Variants in TRHR observed in about 807,000 individuals in gnomAD.
The protein encoded by TRHR is thyrotropin releasing hormone receptor.
TRHR carries 14 observed loss-of-function variants against 28.0 expected under a neutral mutation model. The observed-to-expected ratio is 0.50, with a 90% confidence interval of 0.33 to 0.78. The LOEUF (loss-of-function observed/expected upper bound fraction) is 0.78. Among genes scored for constraint, TRHR ranks in the 30% least tolerant of loss-of-function variants. TRHR has a pLI of 0.02. For synonymous variants in TRHR, 176 were observed against 171.9 expected (o/e 1.02, Z -0.18); for missense variants, 438 against 469.5 (o/e 0.93, Z 0.62).
chr8:109,089,812 T>C (rs951186566), intron 2 of TRHR, among the ~76,000 whole-genome samples: 1 of 152,156 alleles, frequency 6.6e-6, no homozygotes, highest in African/African-American at 2.4e-5. Context: ...ACACCAAACA[T>C]GGGTTAATGT....
At position 109,088,120 on chromosome 8, in the gene TRHR, C is replaced by A; in HGVS notation, c.608C>A (p.Pro203Gln). Residue 203 changes from proline to glutamine, a missense_variant, in exon 2 of 3, where the codon CCA (proline) becomes CAA (glutamine). Coordinates refer to ENST00000518632, the MANE Select transcript of TRHR (RefSeq NM_003301.7). ...LMDFGVFYVV[P>Q]MILATVLYGF... Reference sequence around the variant, plus strand: ...GACTTTGGTGTCTTTTATGTTGTGCCAATGATCCTGGCTACCGTCCTCTAT... The same window carrying A: ...GACTTTGGTGTCTTTTATGTTGTGCAAATGATCCTGGCTACCGTCCTCTAT... The A allele has an allele frequency of 1.9e-6, 3 of 1,614,136 alleles. No homozygotes were observed. Among genetic ancestry groups the A allele is most frequent in the Non-Finnish European group, 1.7e-6 (2 of 1,180,042 alleles).
intron 2 of TRHR, among the ~76,000 whole-genome samples, chr8:109,099,471 G>T (rs923190461): frequency 1.3e-5 from 2 of 152,198 alleles, no homozygotes; most frequent in African/African-American, 4.8e-5. Flanking sequence ...CAAGGAGCAA[G>T]GGGAGACGCA....
At chr8:109,103,755 G>T (rs746897786) in intron 2 of TRHR, among the ~76,000 whole-genome samples, 2 of 152,110 alleles carry the variant, frequency 1.3e-5, no homozygotes, top group South Asian at 4.1e-4. Flanking sequence ...AACAGTTTCT[G>T]TTGCTGACTC....
At chr8:109,106,063 A>T (rs528203645) in intron 2 of TRHR, among the ~76,000 whole-genome samples, 4 of 152,322 alleles carry the variant, frequency 2.6e-5, no homozygotes, top group African/African-American at 7.2e-5. Context: ...TGCCAAATGC[A>T]GGAAAGAGCA....
intron 2 of TRHR, among the ~76,000 whole-genome samples, chr8:109,101,933 G>A (rs1350688793): frequency 2.6e-5 from 4 of 152,206 alleles, no homozygotes; most frequent in Non-Finnish European, 5.9e-5. Context: ...AATAAACAGC[G>A]AAGGAATATT....
intron 2 of TRHR, among the ~76,000 whole-genome samples, chr8:109,114,341 T>A (rs1414890953): frequency 1.3e-5 from 2 of 152,072 alleles, no homozygotes; most frequent in Non-Finnish European, 2.9e-5. Flanking sequence ...TTTGATTGCC[T>A]TCAATACACT....
rs545071697 is a variant in TRHR at position 109,107,481 on chromosome 8, G to C, written c.790-11567G>C. On this transcript the variant is annotated intron_variant, in intron 2 of 2. Transcript: ENST00000518632. ...GATTCCAGCGAGGTCTGCCTCCATA[G>C]CCTGTCCCCTTCACCACTATACTAA... Among the ~76,000 whole-genome samples, 144 of 152,274 alleles carry C rather than the reference G, an allele frequency of 9.5e-4. 1 individual carries two copies. The highest frequency in any genetic ancestry group is 3.2e-3 in the African/African-American group (133 of 41,550).
chr8:109,100,029 T>A (rs187201620), intron 2 of TRHR, among the ~76,000 whole-genome samples: 1 of 152,256 alleles, frequency 6.6e-6, no homozygotes, highest in Non-Finnish European at 1.5e-5. Context: ...ACCCCATGAA[T>A]TTTTAAAGAT....
chr8:109,087,725 T>C lies in TRHR; in HGVS notation c.213T>C (p.Asp71=). ...NCYLVSLAVA[D]LMVLVAAGLP... ...ACCTGGTGAGCCTGGCAGTAGCTGA[T>C]CTCATGGTCTTGGTGGCCGCAGGCC... The change falls in exon 2 of 3, where the codon GAT becomes GAC. Residue 71 remains aspartate, a synonymous_variant. Transcript: ENST00000518632. 6.2e-7 allele frequency: 1 copy of C among 1,614,164 alleles called. No individual in the cohort carries two copies. Among genetic ancestry groups the C allele is most frequent in the Non-Finnish European group, 8.5e-7 (1 of 1,180,030 alleles).
intron 2 of TRHR, among the ~76,000 whole-genome samples, chr8:109,096,838 G>T (rs1811601456): frequency 6.6e-6 from 1 of 151,988 alleles, no homozygotes; most frequent in South Asian, 2.1e-4. Flanking sequence ...GTAAATGAAA[G>T]TGTGAAAGAG....
At chr8:109,100,766 T>G (rs7840000) in intron 2 of TRHR, among the ~76,000 whole-genome samples, 88,556 of 151,778 alleles carry the variant, frequency 0.58, 27,922 homozygotes, top group African/African-American at 0.83. Flanking sequence ...ACATGGCTTG[T>G]GGAGAGGCGG....
At chr8:109,095,231 C>T (rs1226938631) in intron 2 of TRHR, among the ~76,000 whole-genome samples, 1 of 152,022 alleles carries the variant, frequency 6.6e-6, no homozygotes, top group Admixed American at 6.6e-5. Flanking sequence ...GGGCCATGTA[C>T]ACAAACAATT....
intron 2 of TRHR, among the ~76,000 whole-genome samples, chr8:109,106,650 G>A (rs551422940): frequency 3.2e-4 from 49 of 152,222 alleles, no homozygotes; most frequent in African/African-American, 1.2e-3. Context: ...ATAAAAATAT[G>A]TAATACATAT....
chr8:109,114,865 A>G (rs1811894946), intron 2 of TRHR, among the ~76,000 whole-genome samples: 1 of 152,052 alleles, frequency 6.6e-6, no homozygotes, highest in Admixed American at 6.6e-5. Flanking sequence ...ACATGATTGC[A>G]TTGCCATGTC....
At chr8:109,109,116 G>A (rs901519808) in intron 2 of TRHR, among the ~76,000 whole-genome samples, 3 of 152,120 alleles carry the variant, frequency 2.0e-5, no homozygotes, top group African/African-American at 7.2e-5. Context: ...ACCTTTGTTA[G>A]GTGCGATAGG....
At chr8:109,094,946 A>C (rs1170405221) in intron 2 of TRHR, among the ~76,000 whole-genome samples, 2 of 151,416 alleles carry the variant, frequency 1.3e-5, no homozygotes, top group East Asian at 3.9e-4. Context: ...GCACACAGAT[A>C]CTCCAAGTTC....
At chr8:109,090,150 G>A (rs1279118065) in intron 2 of TRHR, among the ~76,000 whole-genome samples, 1 of 152,168 alleles carries the variant, frequency 6.6e-6, no homozygotes, top group Non-Finnish European at 1.5e-5. Context: ...GTGAGCCTTA[G>A]TTTTGTCATC....
rs1586198776 is a variant in TRHR, at chr8:109,120,315, T to C, written c.*860T>C. ...TTAGATTTTGCTTCTTCTCTGACGC[T>C]TTTAAGCAATAAAATCTTTTTGAAC... is the stretch of plus-strand genomic sequence containing the variant. On this transcript the variant is annotated 3_prime_UTR_variant, in exon 3 of 3. Coordinates refer to ENST00000518632, the MANE Select transcript of TRHR (RefSeq NM_003301.7). 6.6e-6 allele frequency among the ~76,000 whole-genome samples: 1 copy of C among 152,030 alleles called. No homozygotes were observed. The highest frequency in any genetic ancestry group is 1.9e-4 in the East Asian group (1 of 5,146).
rs538487868 is a variant in TRHR, at chr8:109,098,275, G to A, written c.789+9974G>A. ...CTCCTGAATAGCTGAGACTACAGGC[G>A]TGTGCTACCATGCCTGGCTAATTTT... On this transcript the variant is annotated intron_variant, in intron 2 of 2. Transcript: ENST00000518632. Among the ~76,000 whole-genome samples the A allele has an allele frequency of 1.7e-4, 26 of 151,868 alleles. 1 individual carries two copies. Among genetic ancestry groups the A allele is most frequent in the South Asian group, 1.5e-3 (7 of 4,794 alleles).
Sources: gnomAD v4.1 joint callset for allele counts (sites outside exome capture counted in the v4.1 genomes callset) on GRCh38, gnomAD v4.1.1 for gene constraint, MANE v1.5 for transcripts, NCBI Gene and HGNC (gene_info 2026-07-23, HGNC 2026-07-21) for gene names.